The following HACE1 variants were observed in gnomAD, a reference collection of about 807,000 sequenced individuals.
HACE1 encodes the protein HECT domain and ankyrin repeat containing E3 ubiquitin protein ligase 1, also known as E3 ubiquitin-protein ligase HACE1.
In HACE1, 73 loss-of-function variants were observed where a neutral mutation model predicts 118.4. The ratio of observed to expected loss-of-function variants is 0.62; its 90% confidence interval spans 0.51 to 0.75. The LOEUF (loss-of-function observed/expected upper bound fraction) is 0.75. Among genes scored for constraint, HACE1 ranks in the 30% least tolerant of loss-of-function variants. The probability of loss-of-function intolerance (pLI) is 0.00; values close to 1 mark genes in which losing one functional copy is unlikely to be tolerated. For synonymous variants in HACE1, 368 were observed against 374.8 expected, an observed-to-expected ratio of 0.98 and a Z score of 0.21; for missense variants, 749 against 1,102.2, an observed-to-expected ratio of 0.68 and a Z score of 4.54.
intron 7 of HACE1, among the ~76,000 whole-genome samples, chr6:104,797,438 C>T (rs1366109531): frequency 6.6e-6 from 1 of 150,604 alleles, no homozygotes. Context: ...TCCAAAAGAA[C>T]CTCAAGAGTC....
At chr6:104,790,623 A>G (rs891225144) in intron 11 of HACE1, among the ~76,000 whole-genome samples, 1 of 152,110 alleles carries the variant, frequency 6.6e-6, no homozygotes. Context: ...GTATGGTGGC[A>G]TGCACCTCTA....
At chr6:104,767,310 T>C (rs1780120427) in intron 19 of HACE1, among the ~76,000 whole-genome samples, 1 of 152,140 alleles carries the variant, frequency 6.6e-6, no homozygotes. Flanking sequence ...TCCTTCCTCT[T>C]TCTCATCTTC....
At chr6:104,823,051 T>C (rs543929029) in intron 6 of HACE1, among the ~76,000 whole-genome samples, 30 of 152,326 alleles carry the variant, frequency 2.0e-4, no homozygotes, top group South Asian at 1.2e-3. Context: ...AGCCTTGTAT[T>C]TGGTTGGTGA....
Position 104,728,889 on chromosome 6 carries a change from G to C in HACE1, c.*773C>G, listed in dbSNP as rs1264222966. The C allele has an allele frequency of 6.6e-6, 1 of 152,446 alleles. No homozygotes were observed. Among genetic ancestry groups the C allele is most frequent in the Non-Finnish European group, 1.5e-5 (1 of 67,982 alleles). 9.4% of individuals were successfully genotyped at this position (152,446 alleles called of 1,614,324 possible). A position where few individuals can be genotyped will look rare whatever the true frequency, so the allele number is the denominator to read the frequency against. ...TCAGATTACTTTTTCAGATGTGTCAGAGCTCACAGATAAAAGTAATGAAAA... is the reference window on the plus strand; with the variant it reads ...TCAGATTACTTTTTCAGATGTGTCACAGCTCACAGATAAAAGTAATGAAAA... On this transcript the variant is annotated 3_prime_UTR_variant, in exon 24 of 24. Transcript: ENST00000262903.
intron 11 of HACE1, chr6:104,787,502 A>C (rs1782564995): frequency 6.6e-6 from 1 of 152,224 alleles, no homozygotes; most frequent in Non-Finnish European, 1.5e-5. Flanking sequence ...ATGTCAGCAA[A>C]ACTATTTAGC....
chr6:104,748,188 T>C (rs1419500667), intron 20 of HACE1, among the ~76,000 whole-genome samples: 1 of 151,736 alleles, frequency 6.6e-6, no homozygotes. Flanking sequence ...TCATAATACA[T>C]ATATCTGATA....
chr6:104,808,454 A>G (rs1306765687), intron 7 of HACE1, among the ~76,000 whole-genome samples: 1 of 152,194 alleles, frequency 6.6e-6, no homozygotes, highest in Non-Finnish European at 1.5e-5. Context: ...TTCAGGGATC[A>G]AGAATTTTGA....
chr6:104,744,710 A>C (rs1011487524), intron 20 of HACE1, 100 bp from the exon 21 acceptor site: 2 of 714,518 alleles, frequency 2.8e-6, no homozygotes, highest in African/African-American at 1.8e-5. Context: ...AATCCCATGT[A>C]AAACTGATAT....
At chr6:104,851,960 C>G (rs917632661) in intron 2 of HACE1, among the ~76,000 whole-genome samples, 57 of 152,244 alleles carry the variant, frequency 3.7e-4, no homozygotes, top group African/African-American at 1.3e-3. Context: ...TAAGTTGTCC[C>G]TCAGCCATAA....
chr6:104,768,025 TCTAA>T (rs1365803480), intron 19 of HACE1, among the ~76,000 whole-genome samples: 3 of 152,206 alleles, frequency 2.0e-5, no homozygotes, highest in East Asian at 1.9e-4. Context: ...AGAGGCCATA[TCTAA>T]CTAATTTAAG....
chr6:104,732,882 T>C (rs754772999), intron 22 of HACE1, among the ~76,000 whole-genome samples: 1 of 152,234 alleles, frequency 6.6e-6, no homozygotes, highest in South Asian at 2.1e-4. Flanking sequence ...GATGAAATTC[T>C]TGAGCTTACT....
In HACE1 at chr6:104,796,913, T is replaced by C. The variant is rs765077216; in HGVS notation, c.714+16A>G. ...TTATAAAGATAAGGGGCTCAGAATA[T>C]AAATGAAAAACACACCTGTACACAT... On this transcript the variant is annotated intron_variant, in intron 8 of 23. Transcript: ENST00000262903. The C allele has an allele frequency of 8.6e-6, 12 of 1,394,272 alleles. No homozygotes were observed. The highest frequency in any genetic ancestry group is 3.5e-5 in the South Asian group (3 of 86,558). 86.4% of individuals were successfully genotyped at this position (1,394,272 alleles called of 1,614,324 possible). A position where few individuals can be genotyped will look rare whatever the true frequency, so the allele number is the denominator to read the frequency against.
At chr6:104,838,530 A>C (rs1024285727) in intron 5 of HACE1, among the ~76,000 whole-genome samples, 1 of 152,116 alleles carries the variant, frequency 6.6e-6, no homozygotes, top group Non-Finnish European at 1.5e-5. Flanking sequence ...CTAGGCTCCT[A>C]TATCTCTTGC....
chr6:104,851,085 T>G, intron 2 of HACE1, 89 bp from the exon 3 acceptor site: 1 of 738,450 alleles, frequency 1.4e-6, no homozygotes, highest in Non-Finnish European at 2.4e-6. Context: ...GCTGCTCTGT[T>G]TGTTTGTTTG....
At chr6:104,854,369 T>C (rs867363028) in intron 1 of HACE1, among the ~76,000 whole-genome samples, 1 of 152,228 alleles carries the variant, frequency 6.6e-6, no homozygotes, top group East Asian at 1.9e-4. Flanking sequence ...TATACACAAA[T>C]GTTAATTTCT....
At chr6:104,759,892 A>T (rs1017913962) in intron 19 of HACE1, among the ~76,000 whole-genome samples, 27 of 152,232 alleles carry the variant, frequency 1.8e-4, no homozygotes, top group Non-Finnish European at 1.5e-4. Context: ...ACAGAAATAC[A>T]AACTACCATC....
intron 1 of HACE1, among the ~76,000 whole-genome samples, chr6:104,857,989 C>T (rs1229336303): frequency 2.0e-5 from 3 of 146,790 alleles, no homozygotes; most frequent in South Asian, 4.3e-4. Flanking sequence ...GTTTTCTAAA[C>T]ACAAAATAAA....
At chr6:104,741,924 C>T (rs1339933702) in intron 22 of HACE1, among the ~76,000 whole-genome samples, 1 of 151,690 alleles carries the variant, frequency 6.6e-6, no homozygotes, top group Non-Finnish European at 1.5e-5. Flanking sequence ...GACAAGGCTA[C>T]AGTAACCAAA....
intron 7 of HACE1, 124 bp downstream of exon 7, chr6:104,811,185 CGT>C (rs1373561316): frequency 2.0e-5 from 4 of 202,426 alleles, no homozygotes; most frequent in African/African-American, 9.9e-5. Flanking sequence ...TACACAGAAA[CGT>C]GTGTGTCTAG....
Sources: allele counts gnomAD v4.1 joint callset (sites outside exome capture counted in the v4.1 genomes callset), GRCh38; gene constraint gnomAD v4.1.1; transcripts MANE v1.5; gene names NCBI Gene and HGNC (gene_info 2026-07-23, HGNC 2026-07-21).